The following ARHGAP35 variants were observed in gnomAD, a reference collection of about 807,000 sequenced individuals.
ARHGAP35 encodes the protein Rho GTPase activating protein 35.
Under a neutral mutation model 111.1 loss-of-function variants are expected in ARHGAP35, and 15 were observed. The ratio of observed to expected loss-of-function variants is 0.13; its 90% CI spans 0.09 to 0.21. The LOEUF is 0.21. ARHGAP35 is among the 10% of genes least tolerant of loss of function. ARHGAP35 has a pLI of 1.00. For missense variants in ARHGAP35, 1,262 were observed against 1,873.0 expected (o/e 0.67, Z 6.02); for synonymous variants, 643 against 710.3 (o/e 0.91, Z 1.51).
At chr19:46,971,593 A>G (rs1055479255) in intron 3 of ARHGAP35, among the ~76,000 whole-genome samples, 1 of 149,200 alleles carries the variant, frequency 6.7e-6, no homozygotes, top group Non-Finnish European at 1.5e-5. Context: ...TCCCCCTCCC[A>G]GGTTCAAACG....
In ARHGAP35 at chr19:46,901,510, A is replaced by G. The variant is rs1425375419; in HGVS notation, c.-188-16978A>G. 6.6e-6 allele frequency among the ~76,000 whole-genome samples: 1 copy of G among 152,202 alleles called. No individual in the cohort carries two copies. The highest frequency in any genetic ancestry group is 1.5e-5 in the Non-Finnish European group (1 of 68,032). On this transcript the variant is annotated intron_variant, in intron 1 of 6. Coordinates refer to ENST00000672722, the MANE Select transcript of ARHGAP35 (RefSeq NM_004491.5). The surrounding 1 kb of genome is among the most constrained non-coding windows in gnomAD (Gnocchi z 4.5). ...GAGGCAGAGGTTGCAGTGAGCCGAGATCGCGCCACTGCACTCCAGCCTGGG... is the reference window on the plus strand; with the variant it reads ...GAGGCAGAGGTTGCAGTGAGCCGAGGTCGCGCCACTGCACTCCAGCCTGGG...
chr19:46,886,245 A>G (rs951102966), intron 1 of ARHGAP35, among the ~76,000 whole-genome samples: 1 of 152,166 alleles, frequency 6.6e-6, no homozygotes, highest in Non-Finnish European at 1.5e-5. Flanking sequence ...TTTCTGTGTT[A>G]TTCATTATGG....
intron 1 of ARHGAP35, among the ~76,000 whole-genome samples, chr19:46,864,564 T>G (rs2055845500): frequency 6.6e-6 from 1 of 152,240 alleles, no homozygotes; most frequent in Non-Finnish European, 1.5e-5. Context: ...AATAAAAACA[T>G]TCACTGTCAT....
rs1322180270 is a variant in ARHGAP35, at chr19:46,988,283, G to A, written c.3904+217G>A. On this transcript the variant is annotated intron_variant, in intron 4 of 6. Transcript: ENST00000672722. This position sits in a 1 kb window ranked among gnomAD's most constrained non-coding sequence, Gnocchi z 5.4. ...GAAGCACCATCCCTGCCCAAGCTGGGTCATGTAGGCCACTCCCCACACTGC... is the reference window on the plus strand; with the variant it reads ...GAAGCACCATCCCTGCCCAAGCTGGATCATGTAGGCCACTCCCCACACTGC... 4 of 539,328 alleles carry A rather than the reference G, an allele frequency of 7.4e-6. No individual in the cohort carries two copies. The highest frequency in any genetic ancestry group is 1.3e-5 in the Non-Finnish European group (4 of 297,752). The allele number at this position is 539,328 out of a possible 1,614,324, so 33.4% of individuals were successfully genotyped here. A position where few individuals can be genotyped will look rare whatever the true frequency, so the allele number is the denominator to read the frequency against.
At chr19:46,871,505 G>A (rs916257192) in intron 1 of ARHGAP35, among the ~76,000 whole-genome samples, 2 of 151,832 alleles carry the variant, frequency 1.3e-5, no homozygotes, top group Non-Finnish European at 2.9e-5. Context: ...ACCACGCCTG[G>A]CTAATTTTTG....
intron 3 of ARHGAP35, among the ~76,000 whole-genome samples, chr19:46,937,653 C>T (rs962470976): frequency 6.6e-6 from 1 of 152,192 alleles, no homozygotes. Flanking sequence ...CTCAAGGTGG[C>T]AGCTATGGCT....
intron 1 of ARHGAP35, among the ~76,000 whole-genome samples, chr19:46,903,903 T>C (rs900666203): frequency 6.7e-6 from 1 of 149,534 alleles, no homozygotes; most frequent in Admixed American, 6.8e-5. Context: ...AAATTCGCCT[T>C]TTTTTTTTTC....
chr19:46,907,885 G>A (rs539701169), intron 1 of ARHGAP35, among the ~76,000 whole-genome samples: 1 of 152,142 alleles, frequency 6.6e-6, no homozygotes, highest in African/African-American at 2.4e-5. Flanking sequence ...TATTACTTGC[G>A]ATAGCCTGTT....
At chr19:46,991,270 T>G (rs1051832224) in intron 5 of ARHGAP35, among the ~76,000 whole-genome samples, 1 of 152,234 alleles carries the variant, frequency 6.6e-6, no homozygotes, top group African/African-American at 2.4e-5. Context: ...GAGGAAGGCG[T>G]AGACTGATAC....
rs1262046538 is a variant in ARHGAP35 at position 46,888,096 on chromosome 19, C to T, written c.-189+26887C>T. 8.7e-5 allele frequency among the ~76,000 whole-genome samples: 13 copies of T among 149,928 alleles called. No homozygotes were observed. In the East Asian group the frequency reaches 1.4e-3, roughly 16 times the overall value. On this transcript the variant is annotated intron_variant, in intron 1 of 6. Coordinates refer to ENST00000672722, the MANE Select transcript of ARHGAP35 (RefSeq NM_004491.5). ...CCTCCTGAGTAGCTGGGACTACAGG[C>T]GCCCGCCACCACGCCTGGCTAATTT...
intron 1 of ARHGAP35, among the ~76,000 whole-genome samples, chr19:46,871,499 C>T (rs2055887154): frequency 2.0e-5 from 3 of 151,876 alleles, no homozygotes; most frequent in Non-Finnish European, 4.4e-5. Flanking sequence ...CGTGCCACCA[C>T]GCCTGGCTAA....
At chr19:46,889,259 A>G (rs2056011733) in intron 1 of ARHGAP35, among the ~76,000 whole-genome samples, 1 of 152,060 alleles carries the variant, frequency 6.6e-6, no homozygotes, top group Admixed American at 6.5e-5. Flanking sequence ...AGGTCAGTAG[A>G]TCAAGACCAT....
intron 1 of ARHGAP35, among the ~76,000 whole-genome samples, chr19:46,870,026 A>G (rs920602179): frequency 2.7e-5 from 4 of 148,504 alleles, no homozygotes; most frequent in Admixed American, 6.8e-5. Context: ...GACTCACTGC[A>G]AGCTCCGCCT....
In ARHGAP35 at chr19:46,863,186, A is replaced by T. The variant is rs79404225; in HGVS notation, c.-189+1977A>T. ...CCATTGAGCACTTCCCCTTTCAGGC[A>T]TATCTTTCTTTCCATCCCTCTGCTG... On this transcript the variant is annotated intron_variant, in intron 1 of 6. Coordinates refer to ENST00000672722, the MANE Select transcript of ARHGAP35 (RefSeq NM_004491.5). 3.3e-5 allele frequency among the ~76,000 whole-genome samples: 5 copies of T among 151,746 alleles called. No homozygotes were observed. The East Asian group carries it at 9.7e-4, about 29-fold the overall frequency.
rs2056174442 is a variant in ARHGAP35, at chr19:46,918,140, CCAT to C, written c.-188-346_-188-344del. ...GGCTTCTGTGTCCTTGTGAGATGCT[CCAT>C]CGTTTTTTTTCTTGCATAAAAAGAT... On this transcript the variant is annotated intron_variant, in intron 1 of 6. Coordinates refer to ENST00000672722, the MANE Select transcript of ARHGAP35 (RefSeq NM_004491.5). The surrounding 1 kb of genome is among the most constrained non-coding windows in gnomAD (Gnocchi z 5.4). Among the ~76,000 whole-genome samples the C allele has an allele frequency of 6.6e-6, 1 of 152,176 alleles. No individual in the cohort carries two copies. The highest frequency in any genetic ancestry group is 1.5e-5 in the Non-Finnish European group (1 of 68,028).
intron 3 of ARHGAP35, among the ~76,000 whole-genome samples, chr19:46,981,055 C>T (rs1733892420): frequency 6.6e-6 from 1 of 152,200 alleles, no homozygotes; most frequent in Non-Finnish European, 1.5e-5. Flanking sequence ...CCTCAGAAGA[C>T]ACACCATAGA....
At chr19:46,863,051 CCTT>C (rs1261639986) in intron 1 of ARHGAP35, among the ~76,000 whole-genome samples, 3 of 151,816 alleles carry the variant, frequency 2.0e-5, no homozygotes, top group Non-Finnish European at 4.4e-5. Flanking sequence ...TCCTTCCTCA[CCTT>C]TTTTTTTTTT....
At chr19:46,953,928 C>A (rs1398910487) in intron 3 of ARHGAP35, among the ~76,000 whole-genome samples, 1 of 152,180 alleles carries the variant, frequency 6.6e-6, no homozygotes, top group African/African-American at 2.4e-5. Context: ...TTTCCTCTCC[C>A]ATCTAACACA....
intron 1 of ARHGAP35, among the ~76,000 whole-genome samples, chr19:46,873,470 T>A (rs1329924636): frequency 2.0e-5 from 3 of 151,332 alleles, no homozygotes; most frequent in African/African-American, 7.3e-5. Flanking sequence ...CCATCTCTAC[T>A]AAAAATACAA....
Sources: gnomAD v4.1 joint callset for allele counts (sites outside exome capture counted in the v4.1 genomes callset) on GRCh38, gnomAD v4.1.1 for gene constraint, Gnocchi (gnomAD v3.1) non-coding constraint, MANE v1.5 for transcripts, NCBI Gene and HGNC (gene_info 2026-07-23, HGNC 2026-07-21) for gene names.